CDKN2B-AS1: variants seen among roughly 807,000 people sequenced by gnomAD.
CDKN2B-AS1 encodes CDKN2B and CDKN2A antisense cis and trans regulatory RNA 1, also known as CDKN2B antisense RNA 1 (non-protein coding).
At chr9:22,125,842 T>C (rs1380354315) in intron 4 of CDKN2B-AS1, among the ~76,000 whole-genome samples, 1 of 152,134 alleles carries the variant, frequency 6.6e-6, no homozygotes, top group African/African-American at 2.4e-5. Context: ...AAAAGAATAA[T>C]ATATAACAAC....
chr9:22,118,779 T>A (rs1327670238), intron 4 of CDKN2B-AS1: 1 of 152,214 alleles, frequency 6.6e-6, no homozygotes, highest in Non-Finnish European at 1.5e-5. Flanking sequence ...TGAGTGACTC[T>A]GCTGCTGAAA....
At chr9:22,027,496 C>T (rs1012218187) in intron 1 of CDKN2B-AS1, among the ~76,000 whole-genome samples, 2 of 152,132 alleles carry the variant, frequency 1.3e-5, no homozygotes, top group Non-Finnish European at 2.9e-5. Flanking sequence ...TCTCTCTATT[C>T]ATTCTTACCA....
chr9:22,096,826 C>T (rs991286039), intron 4 of CDKN2B-AS1, among the ~76,000 whole-genome samples: 12 of 152,170 alleles, frequency 7.9e-5, no homozygotes, highest in African/African-American at 2.9e-4. Context: ...CTGGCCTTCT[C>T]CAGCTCACTC....
intron 4 of CDKN2B-AS1, among the ~76,000 whole-genome samples, chr9:22,056,829 A>G (rs1275808679): frequency 3.9e-5 from 6 of 152,116 alleles, no homozygotes; most frequent in African/African-American, 1.4e-4. Flanking sequence ...AAAACTGTCT[A>G]CTCAACATCT....
intron 4 of CDKN2B-AS1, among the ~76,000 whole-genome samples, chr9:22,114,061 C>G (rs751190411): frequency 6.6e-6 from 1 of 152,066 alleles, no homozygotes; most frequent in Non-Finnish European, 1.5e-5. Context: ...TACATGGTAC[C>G]AAAAACAATG....
chr9:22,045,823 G>T (rs1364909900), intron 1 of CDKN2B-AS1, among the ~76,000 whole-genome samples: 1 of 152,092 alleles, frequency 6.6e-6, no homozygotes. Context: ...AAAGTAAATT[G>T]TTCAAGATTG....
At chr9:22,064,039 G>C (rs1823932749) in intron 4 of CDKN2B-AS1, 1 of 152,178 alleles carries the variant, frequency 6.6e-6, no homozygotes, top group Non-Finnish European at 1.5e-5. Context: ...TGTATCCCTG[G>C]AAGTGGCAGG....
intron 4 of CDKN2B-AS1, among the ~76,000 whole-genome samples, chr9:22,093,735 T>A (rs989958203): frequency 2.8e-5 from 4 of 144,156 alleles, no homozygotes; most frequent in Admixed American, 6.7e-5. Flanking sequence ...ATGGGATTCC[T>A]GAATACAGCA....
At chr9:22,071,696 T>C (rs1824302341) in intron 4 of CDKN2B-AS1, among the ~76,000 whole-genome samples, 1 of 152,200 alleles carries the variant, frequency 6.6e-6, no homozygotes, top group Non-Finnish European at 1.5e-5. Context: ...GTATCCATTG[T>C]GGATTTTATA....
At chr9:22,089,791 G>A (rs1013577860) in intron 4 of CDKN2B-AS1, among the ~76,000 whole-genome samples, 2 of 151,782 alleles carry the variant, frequency 1.3e-5, no homozygotes, top group Non-Finnish European at 2.9e-5. Context: ...ATTAGATTGA[G>A]CCAATGACTA....
At chr9:22,080,792 TGCTGGGTCATGGAATTATA>T (rs1399759861) in intron 4 of CDKN2B-AS1, among the ~76,000 whole-genome samples, 1 of 152,210 alleles carries the variant, frequency 6.6e-6, no homozygotes, top group East Asian at 1.9e-4. Context: ...GCCACCAGAC[TGCTGGGTCATGGAATTATA>T]GCTACATGAC....
At chr9:22,088,818 C>G (rs1473512574) in intron 4 of CDKN2B-AS1, among the ~76,000 whole-genome samples, 1 of 152,146 alleles carries the variant, frequency 6.6e-6, no homozygotes, top group Non-Finnish European at 1.5e-5. Context: ...CTGTATGTAC[C>G]TAGTAAAAAT....
intron 1 of CDKN2B-AS1, among the ~76,000 whole-genome samples, chr9:22,041,843 G>A (rs1033644897): frequency 1.3e-5 from 2 of 151,998 alleles, no homozygotes; most frequent in African/African-American, 4.8e-5. Flanking sequence ...AGAAGCAATA[G>A]GGAGTGGCCT....
chr9:22,044,772 A>C, intron 1 of CDKN2B-AS1, among the ~76,000 whole-genome samples: 1 of 151,688 alleles, frequency 6.6e-6, no homozygotes, highest in East Asian at 1.9e-4. Context: ...TTTTCTGCCA[A>C]ATGAGTCAGT....
intron 1 of CDKN2B-AS1, among the ~76,000 whole-genome samples, chr9:22,044,310 GTAGAATATCCTAGTAGGATATCC>G (rs894084621): frequency 1.3e-4 from 19 of 151,902 alleles, no homozygotes; most frequent in African/African-American, 2.9e-4. Context: ...TAGAAACAGA[GTAGAATATCCTAGTAGGATATCC>G]TAGAATATCC....
At chr9:22,118,645 T>G (rs965306009) in intron 4 of CDKN2B-AS1, 2 of 152,218 alleles carry the variant, frequency 1.3e-5, no homozygotes, top group Admixed American at 6.5e-5. Flanking sequence ...TTTTAACAGC[T>G]ATGTCTCACA....
chr9:22,013,435 G>A (rs555825932), intron 1 of CDKN2B-AS1, among the ~76,000 whole-genome samples: 2 of 152,018 alleles, frequency 1.3e-5, no homozygotes, highest in Non-Finnish European at 2.9e-5. Flanking sequence ...ACAGTCTCTT[G>A]TATCTCTCTC....
intron 4 of CDKN2B-AS1, chr9:22,092,333 C>A (rs1346346405): frequency 7.9e-5 from 12 of 152,090 alleles, no homozygotes; most frequent in Admixed American, 7.9e-4. Context: ...TGATTCTGGC[C>A]TCATAAAATG....
chr9:22,088,065 T>C (rs1824924539), intron 4 of CDKN2B-AS1, among the ~76,000 whole-genome samples: 2 of 152,164 alleles, frequency 1.3e-5, no homozygotes, highest in South Asian at 4.1e-4. Flanking sequence ...TATCTGTTAA[T>C]ATATGAATTT....
Sources: allele counts gnomAD v4.1 joint callset (sites outside exome capture counted in the v4.1 genomes callset), GRCh38; gene constraint gnomAD v4.1.1; transcripts MANE v1.5; gene names NCBI Gene and HGNC (gene_info 2026-07-23, HGNC 2026-07-21).